Variants in ERICH1 observed in about 807,000 individuals in gnomAD.
ERICH1 encodes the protein glutamate rich 1, also known as glutamate-rich protein 1.
A neutral mutation model predicts 39.6 loss-of-function variants in ERICH1; 56 were observed. The ratio of observed to expected loss-of-function variants is 1.41; its 90% CI spans 1.14 to 1.77. ERICH1 has a LOEUF of 1.77. ERICH1 is among the 40% of genes most tolerant of loss of function. ERICH1 has a pLI of 0.00. For missense variants in ERICH1, 826 were observed against 575.4 expected, an observed-to-expected ratio of 1.44 and a Z score of -4.45; for synonymous variants, 313 against 223.6, an observed-to-expected ratio of 1.40 and a Z score of -3.57.
At chr8:627,528 T>C (rs1584949155) in intron 3 of ERICH1, among the ~76,000 whole-genome samples, 2 of 152,154 alleles carry the variant, frequency 1.3e-5, no homozygotes, top group Admixed American at 6.5e-5. Context: ...ACCAGGCAAG[T>C]TTTACAAAGC....
chr8:637,558 C>G (rs189949535), intron 3 of ERICH1: 1 of 152,460 alleles, frequency 6.6e-6, no homozygotes, highest in Non-Finnish European at 1.5e-5. Flanking sequence ...CAGGGCCCAG[C>G]TCCTGCTGTC....
chr8:682,199 C>T (rs1376089677), intron 3 of ERICH1, among the ~76,000 whole-genome samples: 5 of 152,148 alleles, frequency 3.3e-5, no homozygotes, highest in Admixed American at 1.3e-4. Flanking sequence ...TCTTGACCAC[C>T]GTAACACAAT....
At chr8:708,694 T>TTTTTTTTGTTTTTTTTTTTTTTG (rs1813966724) in intron 2 of ERICH1, among the ~76,000 whole-genome samples, 1 of 128,316 alleles carries the variant, frequency 7.8e-6, no homozygotes, top group Non-Finnish European at 1.7e-5. Flanking sequence ...TTTTTTTTTT[T>TTTTTTTTGTTTTTTTTTTTTTTG]TTTTTTTTTT....
At chr8:661,863 A>C (rs1413704680), downstream of ERICH1, among the ~76,000 whole-genome samples, 1 of 152,270 alleles carries the variant, frequency 6.6e-6, no homozygotes, top group Non-Finnish European at 1.5e-5. Flanking sequence ...GGATCACAGA[A>C]GCAAGAAGGG....
chr8:689,906 T>A (rs534148204), intron 3 of ERICH1, among the ~76,000 whole-genome samples: 2 of 152,296 alleles, frequency 1.3e-5, no homozygotes, highest in Admixed American at 1.3e-4. Context: ...GCCAGGACCG[T>A]GAGCAGAAGA....
At chr8:664,019 A>G (rs974927669), downstream of ERICH1, among the ~76,000 whole-genome samples, 6 of 152,348 alleles carry the variant, frequency 3.9e-5, no homozygotes, top group African/African-American at 1.4e-4. Flanking sequence ...TCGGTCTCCC[A>G]AAGTGCCAGG....
intron 3 of ERICH1, among the ~76,000 whole-genome samples, chr8:655,122 C>A (rs1800461113): frequency 6.6e-6 from 1 of 152,184 alleles, no homozygotes; most frequent in African/African-American, 2.4e-5. Flanking sequence ...CACGACGGGA[C>A]CTCAGGCCAA....
chr8:673,057 G>A (rs896633794), intron 4 of ERICH1, among the ~76,000 whole-genome samples: 1 of 152,214 alleles, frequency 6.6e-6, no homozygotes, highest in African/African-American at 2.4e-5. Flanking sequence ...GATACGCCAG[G>A]GGCGCATGCC....
chr8:689,531 C>G (rs535616076), intron 3 of ERICH1, among the ~76,000 whole-genome samples: 2 of 152,354 alleles, frequency 1.3e-5, no homozygotes, highest in Non-Finnish European at 2.9e-5. Context: ...CCCTTGTCTC[C>G]TCCTGGAGGT....
intron 3 of ERICH1, among the ~76,000 whole-genome samples, chr8:642,054 G>A (rs912952137): frequency 6.6e-6 from 1 of 152,226 alleles, no homozygotes; most frequent in African/African-American, 2.4e-5. Flanking sequence ...GCCCTTGCAG[G>A]TTCCTGACTC....
At chr8:723,108 G>C (rs10105475) in intron 1 of ERICH1, among the ~76,000 whole-genome samples, 74,187 of 151,966 alleles carry the variant, frequency 0.49, 18,252 homozygotes, top group East Asian at 0.56. Flanking sequence ...GGAGATCTGG[G>C]TACTTAAAAG....
chr8:668,144 G>A, intron 5 of ERICH1: 1 of 244,386 alleles, frequency 4.1e-6, no homozygotes. Flanking sequence ...GAGCACAGCT[G>A]CTCCAGCACA....
intron 1 of ERICH1, among the ~76,000 whole-genome samples, chr8:722,838 G>C (rs1817638659): frequency 6.6e-6 from 1 of 152,218 alleles, no homozygotes; most frequent in African/African-American, 2.4e-5. Context: ...GGCTGCTCAG[G>C]AGAAGCTGTA....
intron 3 of ERICH1, among the ~76,000 whole-genome samples, chr8:621,632 A>G (rs560835565): frequency 1.3e-5 from 2 of 152,140 alleles, no homozygotes; most frequent in Non-Finnish European, 2.9e-5. Context: ...ATAGAAAAAC[A>G]ATAGAGAAAT....
chr8:691,497 CGTGA>C (rs1322813525), intron 3 of ERICH1, among the ~76,000 whole-genome samples: 2 of 152,202 alleles, frequency 1.3e-5, no homozygotes, highest in East Asian at 1.9e-4. Context: ...ACAGGAAGGG[CGTGA>C]GTGAGGGCCA....
chr8:652,742 C>T (rs1432616194), intron 3 of ERICH1, among the ~76,000 whole-genome samples: 1 of 152,172 alleles, frequency 6.6e-6, no homozygotes, highest in African/African-American at 2.4e-5. Flanking sequence ...TGATGTAGAA[C>T]TGGTTTATAA....
chr8:720,367 G>A (rs1056029622), intron 1 of ERICH1, among the ~76,000 whole-genome samples: 2 of 152,214 alleles, frequency 1.3e-5, no homozygotes, highest in Admixed American at 6.5e-5. Flanking sequence ...TGCTGGCACC[G>A]CGCCAGTGTC....
At chr8:699,756 C>CAG (rs1264546081) in intron 2 of ERICH1, among the ~76,000 whole-genome samples, 1 of 142,292 alleles carries the variant, frequency 7.0e-6, no homozygotes, top group South Asian at 2.2e-4. Flanking sequence ...CACACGTGCA[C>CAG]ACTCACACAG....
chr8:683,290 T>C (rs776641931), intron 3 of ERICH1, among the ~76,000 whole-genome samples: 2 of 152,006 alleles, frequency 1.3e-5, no homozygotes, highest in Non-Finnish European at 2.9e-5. Context: ...CCTTTGAGGA[T>C]AAAATTCAGA....
Sources: allele counts gnomAD v4.1 joint callset (sites outside exome capture counted in the v4.1 genomes callset), GRCh38; gene constraint gnomAD v4.1.1; transcripts MANE v1.5; gene names NCBI Gene and HGNC (gene_info 2026-07-23, HGNC 2026-07-21).